The following SLC25A23 variants were observed in gnomAD, a reference collection of about 807,000 sequenced individuals.
The protein encoded by SLC25A23 is solute carrier family 25 member 23.
Under a neutral mutation model 53.9 loss-of-function variants are expected in SLC25A23, and 32 were observed. That is an observed-to-expected ratio of 0.59 (90% CI 0.45 to 0.80). SLC25A23 has a LOEUF of 0.80. Ranked by LOEUF, SLC25A23 falls within the 30% of genes least tolerant of loss-of-function variation. SLC25A23 has a pLI of 0.00. For missense variants in SLC25A23, 575 were observed against 651.4 expected (o/e 0.88, Z 1.28); for synonymous variants, 275 against 264.5 (o/e 1.04, Z -0.38).
chr19:6,456,334 C>A, intron 4 of SLC25A23, 86 bp downstream of exon 4: 3 of 1,359,426 alleles, frequency 2.2e-6, no homozygotes, highest in South Asian at 2.5e-5. Flanking sequence ...CTGGTCCAGC[C>A]CATCCAAGCC....
chr19:6,444,090 G>A, intron 9 of SLC25A23, 61 bp downstream of exon 9: 1 of 1,457,524 alleles, frequency 6.9e-7, no homozygotes, highest in Non-Finnish European at 9.1e-7. Context: ...GCTCTACTTG[G>A]GAGAAGCTGG....
Position 6,442,113 on chromosome 19 carries a change from A to T in SLC25A23, c.1269T>A (p.Arg423=), listed in dbSNP as rs142423639. 92 of 1,588,748 alleles carry T rather than the reference A, an allele frequency of 5.8e-5. No homozygotes were observed. The African/African-American group carries it at 1.1e-3, about 20-fold the overall frequency. Residue 423 remains arginine, a synonymous_variant, in exon 10 of 10, where the codon CGT becomes CGA. Coordinates refer to ENST00000301454, the MANE Select transcript of SLC25A23 (RefSeq NM_024103.3). The part of the protein sequence containing the change: ...GPQLSMLGLL[R]HILSQEGMRG... Reference sequence around the variant, plus strand: ...GCATGCCCTCCTGGGACAGGATGTGACGTAGCAGACCCAGCATGGACAGCT... The same window carrying T: ...GCATGCCCTCCTGGGACAGGATGTGTCGTAGCAGACCCAGCATGGACAGCT...
intron 9 of SLC25A23, among the ~76,000 whole-genome samples, chr19:6,443,234 T>G (rs889279557): frequency 2.0e-5 from 3 of 152,026 alleles, no homozygotes; most frequent in Non-Finnish European, 4.4e-5. Context: ...CCACTACCCC[T>G]GGCTCCCACC....
In SLC25A23 at chr19:6,442,152, G is replaced by GA; in HGVS notation, c.1229dup (p.Glu411ArgfsTer101). On this transcript the variant is annotated frameshift_variant, in exon 10 of 10. Coordinates refer to ENST00000301454, the MANE Select transcript of SLC25A23 (RefSeq NM_024103.3). LOFTEE classifies it high-confidence loss of function. ...GCATGGACAGCTGGGGGCCACCCTC[G>GA]ATGGAGGCTGGGAGGGGGCGGGGGG... 1 of 1,382,272 alleles carries GA rather than the reference G, an allele frequency of 7.2e-7. No homozygotes were observed. The highest frequency in any genetic ancestry group is 9.9e-7 in the Non-Finnish European group (1 of 1,012,704). The allele number at this position is 1,382,272 out of a possible 1,614,324, so 85.6% of individuals were successfully genotyped here. A position where few individuals can be genotyped will look rare whatever the true frequency, so the allele number is the denominator to read the frequency against.
intron 8 of SLC25A23, among the ~76,000 whole-genome samples, chr19:6,450,249 T>C (rs2092570306): frequency 6.6e-6 from 1 of 151,908 alleles, no homozygotes; most frequent in Admixed American, 6.6e-5. Flanking sequence ...AGACTTCCAC[T>C]CCTCCAAAAG....
In SLC25A23 at chr19:6,459,394, C is replaced by T. The variant is rs2092728612; in HGVS notation, c.156+79G>A. On this transcript the variant is annotated intron_variant, in intron 1 of 9. Transcript: ENST00000301454. This position sits in a 1 kb window ranked among gnomAD's most constrained non-coding sequence, Gnocchi z 4.6. ...AGCCACAGGTAGTCCCTGGTGGCTC[C>T]GGCCGCCCAGTTCAGGGGCTTGGGT... 2.3e-6 allele frequency: 3 copies of T among 1,314,730 alleles called. No homozygotes were observed. The highest frequency in any genetic ancestry group is 2.9e-5 in the East Asian group (1 of 34,080). The allele number at this position is 1,314,730 out of a possible 1,614,324, so 81.4% of individuals were successfully genotyped here.
At chr19:6,447,495 AT>A (rs2092523767) in intron 8 of SLC25A23, among the ~76,000 whole-genome samples, 1 of 151,564 alleles carries the variant, frequency 6.6e-6, no homozygotes, top group South Asian at 2.1e-4. Flanking sequence ...TTTTATTATT[AT>A]TTTTTGAGAC....
chr19:6,455,477 A>C (rs771975161), intron 4 of SLC25A23, among the ~76,000 whole-genome samples: 15 of 152,122 alleles, frequency 9.9e-5, no homozygotes, highest in Middle Eastern at 6.8e-3. Flanking sequence ...CCCGTGCAGG[A>C]ATCATTTCCA....
chr19:6,437,289 T>C (rs2144697350), downstream of SLC25A23, among the ~76,000 whole-genome samples: 1 of 152,236 alleles, frequency 6.6e-6, no homozygotes, highest in South Asian at 2.1e-4. Context: ...TTTACAGATA[T>C]GAGCTACCCC....
Position 6,459,634 on chromosome 19 carries a change from C to T in SLC25A23, c.-6G>A. 1 of 1,465,928 alleles carries T rather than the reference C, an allele frequency of 6.8e-7. No individual in the cohort carries two copies. The highest frequency in any genetic ancestry group is 9.0e-7 in the Non-Finnish European group (1 of 1,112,766). The allele number at this position is 1,465,928 out of a possible 1,614,324, so 90.8% of individuals were successfully genotyped here. The stretch of plus-strand genomic sequence containing the variant: ...TCGCCCGGGCTCCCCCGCATGGCGC[C>T]CGCCCGGGGGGGAGGGGAGGCCCGG... On this transcript the variant is annotated 5_prime_UTR_variant, in exon 1 of 10. Transcript: ENST00000301454. The surrounding 1 kb of genome is among the most constrained non-coding windows in gnomAD (Gnocchi z 4.6).
intron 9 of SLC25A23, 76 bp downstream of exon 9, chr19:6,444,075 C>T: frequency 7.0e-7 from 1 of 1,431,576 alleles, no homozygotes; most frequent in Non-Finnish European, 9.2e-7. Context: ...GGGTCCCAGC[C>T]CAGGGCTCTA....
In SLC25A23 at chr19:6,455,939, G is replaced by A. The variant is rs189078682; in HGVS notation, c.483+481C>T. On this transcript the variant is annotated intron_variant, in intron 4 of 9. Transcript: ENST00000301454. ...TTTCACCATGTTAGCCAGGATGGTC[G>A]CGATCGCCTGACCTCGTGATCCGCC... The A allele has an allele frequency of 1.1e-4, 111 of 1,031,602 alleles. No individual in the cohort carries two copies. The African/African-American group carries it at 1.2e-3, about 12-fold the overall frequency. 63.9% of individuals were successfully genotyped at this position (1,031,602 alleles called of 1,614,324 possible).
chr19:6,452,765 G>A (rs944982656), intron 7 of SLC25A23, among the ~76,000 whole-genome samples: 1 of 152,128 alleles, frequency 6.6e-6, no homozygotes, highest in Non-Finnish European at 1.5e-5. Flanking sequence ...CTTTGCCCGT[G>A]CTGGTCTCGA....
chr19:6,437,138 G>A (rs1198228242), downstream of SLC25A23, among the ~76,000 whole-genome samples: 1 of 152,112 alleles, frequency 6.6e-6, no homozygotes, highest in Non-Finnish European at 1.5e-5. Context: ...CTCCTGAGCA[G>A]CTGGAACTAC....
rs796311788 is a variant in SLC25A23 at position 6,454,161 on chromosome 19, G to A, written c.796-73C>T. 4.5e-5 allele frequency: 68 copies of A among 1,526,740 alleles called. No homozygotes were observed. The East Asian group carries it at 9.7e-4, about 22-fold the overall frequency. 94.6% of individuals were successfully genotyped at this position (1,526,740 alleles called of 1,614,324 possible). A position where few individuals can be genotyped will look rare whatever the true frequency, so the allele number is the denominator to read the frequency against. ...TTCCTTGCACTCCACTGTTCTCCTG[G>A]CTTCCAAAGAACTGGCTTGCTGCAG... On this transcript the variant is annotated intron_variant, in intron 6 of 9. Transcript: ENST00000301454. The surrounding 1 kb of genome is among the most constrained non-coding windows in gnomAD (Gnocchi z 4.3).
intron 8 of SLC25A23, among the ~76,000 whole-genome samples, chr19:6,446,104 T>C (rs10416571): frequency 0.17 from 25,795 of 150,976 alleles, 5,364 homozygotes; most frequent in African/African-American, 0.5. Context: ...GTCCTCACAC[T>C]GGTAATCCCA....
chr19:6,453,952 G>C (rs377256295), intron 7 of SLC25A23, 29 bp downstream of exon 7: 2 of 1,578,738 alleles, frequency 1.3e-6, no homozygotes, highest in Non-Finnish European at 1.7e-6. Context: ...CCCTGCCATG[G>C]GGCCTCCGCT....
chr19:6,446,493 A>G (rs1308179629), intron 8 of SLC25A23, among the ~76,000 whole-genome samples: 2 of 152,166 alleles, frequency 1.3e-5, no homozygotes, highest in East Asian at 3.8e-4. Context: ...ATTTACCCAA[A>G]GACTTTGCTT....
At chr19:6,444,792 C>T (rs976066537) in intron 8 of SLC25A23, among the ~76,000 whole-genome samples, 1 of 151,236 alleles carries the variant, frequency 6.6e-6, no homozygotes, top group East Asian at 2.0e-4. Context: ...CTCAGCCTCC[C>T]GGGTAGCTGG....
Sources: gnomAD v4.1 joint callset for allele counts (sites outside exome capture counted in the v4.1 genomes callset) on GRCh38, gnomAD v4.1.1 for gene constraint, Gnocchi (gnomAD v3.1) non-coding constraint, MANE v1.5 for transcripts, NCBI Gene and HGNC (gene_info 2026-07-23, HGNC 2026-07-21) for gene names.